RABGAP1L: variants seen among roughly 807,000 people sequenced by gnomAD.
RABGAP1L encodes the protein rab GTPase-activating protein 1-like.
RABGAP1L carries 63 observed loss-of-function variants against 137.7 expected under a neutral mutation model. The observed-to-expected ratio is 0.46, with a 90% CI of 0.37 to 0.56. The LOEUF (loss-of-function observed/expected upper bound fraction) is 0.56, where lower values mean the gene tolerates loss of function less well. Among genes scored for constraint, RABGAP1L ranks in the 20% least tolerant of loss-of-function variants. The pLI is 0.00. For synonymous variants in RABGAP1L, 431 were observed against 433.7 expected (o/e 0.99, Z 0.08); for missense variants, 1,095 against 1,244.0 (o/e 0.88, Z 1.80).
chr1:174,782,784 A>T (rs919470589), intron 18 of RABGAP1L, among the ~76,000 whole-genome samples: 16 of 152,226 alleles, frequency 1.1e-4, no homozygotes, highest in Admixed American at 5.9e-4. Context: ...GGGGCTTGTA[A>T]CTCAGCTCAC....
At chr1:174,938,091 A>G (rs1665215509) in intron 19 of RABGAP1L, among the ~76,000 whole-genome samples, 1 of 152,140 alleles carries the variant, frequency 6.6e-6, no homozygotes, top group South Asian at 2.1e-4. Flanking sequence ...AATTTTACAT[A>G]TGTATTCCAA....
chr1:174,303,676 C>T (rs1334851762), intron 10 of RABGAP1L, among the ~76,000 whole-genome samples: 1 of 151,982 alleles, frequency 6.6e-6, no homozygotes, highest in Non-Finnish European at 1.5e-5. Context: ...AATAAAAATA[C>T]ACTTATTTGA....
At chr1:174,958,685 A>G (rs147380170) in intron 20 of RABGAP1L, among the ~76,000 whole-genome samples, 60 of 152,314 alleles carry the variant, frequency 3.9e-4, no homozygotes, top group African/African-American at 1.3e-3. Context: ...ATTGAATAGC[A>G]TGGGATGTGT....
chr1:174,285,826 C>A (rs1033969719), intron 10 of RABGAP1L, among the ~76,000 whole-genome samples: 9 of 151,996 alleles, frequency 5.9e-5, no homozygotes, highest in African/African-American at 2.2e-4. Flanking sequence ...TTGTCTTTTT[C>A]TGAATCTATT....
At chr1:174,327,984 C>CATATATATATATATATAT (rs1314813386) in intron 11 of RABGAP1L, among the ~76,000 whole-genome samples, 1 of 37,874 alleles carries the variant, frequency 2.6e-5, no homozygotes, top group African/African-American at 1.1e-4. Context: ...TATATACACA[C>CATATATATATATATATAT]ACATATATAT....
At chr1:174,794,612 G>A (rs976403729) in intron 18 of RABGAP1L, among the ~76,000 whole-genome samples, 1 of 152,170 alleles carries the variant, frequency 6.6e-6, no homozygotes, top group Non-Finnish European at 1.5e-5. Context: ...GATGTAATAA[G>A]CAATGCCCTG....
chr1:174,267,634 T>C (rs1674181423), intron 7 of RABGAP1L, among the ~76,000 whole-genome samples: 1 of 152,172 alleles, frequency 6.6e-6, no homozygotes, highest in Non-Finnish European at 1.5e-5. Context: ...TTTGCCAAGA[T>C]AGAAAAAATA....
intron 17 of RABGAP1L, among the ~76,000 whole-genome samples, chr1:174,726,769 GTC>G (rs1374517918): frequency 6.6e-6 from 1 of 152,092 alleles, no homozygotes; most frequent in Non-Finnish European, 1.5e-5. Context: ...GAAATACAGT[GTC>G]TAAAAGAAAA....
intron 17 of RABGAP1L, among the ~76,000 whole-genome samples, chr1:174,738,980 A>C (rs1683172620): frequency 6.6e-6 from 1 of 152,178 alleles, no homozygotes; most frequent in South Asian, 2.1e-4. Context: ...ATCTCAGAGC[A>C]ATTAACTAAA....
chr1:174,619,676 T>C (rs1185239591), intron 13 of RABGAP1L, among the ~76,000 whole-genome samples: 1 of 152,192 alleles, frequency 6.6e-6, no homozygotes, highest in Non-Finnish European at 1.5e-5. Context: ...TACCAGCCAC[T>C]GCAAAATCAT....
At chr1:174,219,024 C>G (rs1669552044) in intron 1 of RABGAP1L, 101 bp from the exon 2 acceptor site, 1 of 922,294 alleles carries the variant, frequency 1.1e-6, no homozygotes. Flanking sequence ...CAGGATTCTT[C>G]TTCACATAAA....
intron 7 of RABGAP1L, among the ~76,000 whole-genome samples, chr1:174,259,295 A>G (rs1352747870): frequency 2.0e-5 from 3 of 151,974 alleles, no homozygotes; most frequent in African/African-American, 7.3e-5. Flanking sequence ...CTTTATACTT[A>G]GCTACTTACT....
At chr1:174,175,204 T>C (rs1216958234) in intron 1 of RABGAP1L, among the ~76,000 whole-genome samples, 4 of 152,328 alleles carry the variant, frequency 2.6e-5, no homozygotes, top group Middle Eastern at 3.4e-3. Context: ...TACAATATTA[T>C]ATAACTGTAG....
At chr1:174,521,213 G>A (rs1489085860) in intron 13 of RABGAP1L, among the ~76,000 whole-genome samples, 1 of 152,132 alleles carries the variant, frequency 6.6e-6, no homozygotes, top group Non-Finnish European at 1.5e-5. Flanking sequence ...ATTTTGATTG[G>A]ATGTATTGGA....
At chr1:174,598,635 A>G (rs1670169097) in intron 13 of RABGAP1L, among the ~76,000 whole-genome samples, 1 of 151,978 alleles carries the variant, frequency 6.6e-6, no homozygotes, top group African/African-American at 2.4e-5. Flanking sequence ...TGTCGAATTG[A>G]CCCCTTTATC....
chr1:174,985,866 T>G (rs1671546453), intron 24 of RABGAP1L, among the ~76,000 whole-genome samples: 2 of 152,220 alleles, frequency 1.3e-5, no homozygotes, highest in Non-Finnish European at 1.5e-5. Context: ...CCCAAGCTAA[T>G]CAGTCATTAG....
At chr1:174,737,275 T>G (rs1683035986) in intron 17 of RABGAP1L, among the ~76,000 whole-genome samples, 1 of 152,216 alleles carries the variant, frequency 6.6e-6, no homozygotes, top group Non-Finnish European at 1.5e-5. Context: ...AACACTTTGC[T>G]GCTTAGAAAA....
At chr1:174,322,449 G>T (rs148812708) in intron 11 of RABGAP1L, among the ~76,000 whole-genome samples, 1 of 152,086 alleles carries the variant, frequency 6.6e-6, no homozygotes. Flanking sequence ...CTCCAAAAGC[G>T]CTCACTCATA....
intron 13 of RABGAP1L, among the ~76,000 whole-genome samples, chr1:174,634,881 G>T (rs1222473050): frequency 8.7e-5 from 11 of 125,886 alleles, no homozygotes; most frequent in South Asian, 5.5e-4. Context: ...TGGGGACTGT[G>T]GTGGGGTGGG....
Sources: allele counts gnomAD v4.1 joint callset (sites outside exome capture counted in the v4.1 genomes callset), GRCh38; gene constraint gnomAD v4.1.1; transcripts MANE v1.5; gene names NCBI Gene and HGNC (gene_info 2026-07-23, HGNC 2026-07-21).